The following PTPN21 variants were observed in gnomAD, a reference collection of about 807,000 sequenced individuals.
PTPN21 encodes the protein protein tyrosine phosphatase non-receptor type 21.
PTPN21 carries 77 observed loss-of-function variants against 131.8 expected under a neutral mutation model. The observed-to-expected ratio is 0.58, with a 90% CI of 0.49 to 0.71. The LOEUF (loss-of-function observed/expected upper bound fraction) is 0.71. Ranked by LOEUF, PTPN21 falls within the 30% of genes least tolerant of loss-of-function variation. PTPN21 has a pLI of 0.00. For synonymous variants in PTPN21, 715 were observed against 621.3 expected (o/e 1.15, Z -2.24); for missense variants, 1,552 against 1,527.1 (o/e 1.02, Z -0.27).
chr14:88,542,458 G>C (rs2078719986), intron 2 of PTPN21, among the ~76,000 whole-genome samples: 1 of 152,072 alleles, frequency 6.6e-6, no homozygotes, highest in African/African-American at 2.4e-5. Context: ...ACACTACTGT[G>C]ACAGACTGAT....
At chr14:88,470,511 T>C (rs2077445151) in intron 15 of PTPN21, among the ~76,000 whole-genome samples, 1 of 152,186 alleles carries the variant, frequency 6.6e-6, no homozygotes, top group Non-Finnish European at 1.5e-5. Flanking sequence ...TCCACAATAA[T>C]ATTAAGTTTC....
chr14:88,551,438 C>T (rs964723907), intron 1 of PTPN21: 1 of 152,260 alleles, frequency 6.6e-6, no homozygotes, highest in Non-Finnish European at 1.5e-5. Flanking sequence ...GCCCCGGCTT[C>T]TCCCGCGTCC....
chr14:88,473,525 G>T, intron 14 of PTPN21, 140 bp downstream of exon 14: 2 of 959,984 alleles, frequency 2.1e-6, no homozygotes, highest in Non-Finnish European at 3.1e-6. Context: ...CCAATTTTGA[G>T]GCCCATATTA....
intron 3 of PTPN21, among the ~76,000 whole-genome samples, chr14:88,508,842 T>A (rs552872843): frequency 6.6e-6 from 1 of 152,362 alleles, no homozygotes; most frequent in South Asian, 2.1e-4. Flanking sequence ...TTTCTTAATA[T>A]CTGGTAATGT....
chr14:88,531,708 G>A (rs1332709275), intron 2 of PTPN21, among the ~76,000 whole-genome samples: 2 of 151,842 alleles, frequency 1.3e-5, no homozygotes, highest in Non-Finnish European at 2.9e-5. Flanking sequence ...CACAACTCAA[G>A]GAACTAGAGA....
Position 88,517,216 on chromosome 14 carries a change from G to A in PTPN21, c.226C>T (p.Arg76Trp), listed in dbSNP as rs2078285714. The stretch of plus-strand genomic sequence containing the variant: ...AAAGGTTTTTCCAAATCTACCCACC[G>A]GCGCTGATTTTGCTTGTTGTAGTAC... ...LWYYNKQNQRRWVDLEKPLKK... is the reference protein window; with the variant it reads ...LWYYNKQNQRWWVDLEKPLKK... Residue 76 changes from arginine (R) to tryptophan (W), a missense_variant, in exon 3 of 19, where the codon CGG becomes TGG. Transcript: ENST00000556564. 7 of 1,614,010 alleles carry A rather than the reference G, an allele frequency of 4.3e-6. No homozygotes were observed. The highest frequency in any genetic ancestry group is 4.5e-5 in the East Asian group (2 of 44,868).
chr14:88,512,361 C>T (rs1012034776), intron 3 of PTPN21: 5 of 152,138 alleles, frequency 3.3e-5, no homozygotes, highest in African/African-American at 1.2e-4. Flanking sequence ...TGCATTTTTA[C>T]AATTTTCTTA....
intron 2 of PTPN21, among the ~76,000 whole-genome samples, chr14:88,534,397 A>AT (rs2078599524): frequency 6.6e-6 from 1 of 151,930 alleles, no homozygotes; most frequent in Admixed American, 6.6e-5. Context: ...AAAAAAAAAA[A>AT]GTTTAAAAAG....
chr14:88,473,998 C>G (rs537566583), intron 13 of PTPN21, 196 bp from the exon 14 acceptor site: 113 of 502,392 alleles, frequency 2.2e-4, no homozygotes, highest in African/African-American at 2.0e-3. Context: ...AAGGCCAAAG[C>G]CCTGATAAAG....
chr14:88,479,297 C>T lies in PTPN21; in HGVS notation c.2134G>A (p.Glu712Lys), dbSNP rs775190992. The T allele has an allele frequency of 3.7e-6, 6 of 1,613,416 alleles. No homozygotes were observed. Among genetic ancestry groups the T allele is most frequent in the South Asian group, 3.3e-5 (3 of 91,082 alleles). The change falls in exon 13 of 19, where the codon GAG (glutamate) becomes AAG (lysine). Residue 712 changes from glutamate to lysine, a missense_variant. Physicochemically the swap from Glu to Lys is moderately conservative, Grantham distance 56. Around this residue, in one of 4 missense-constraint regions of PTPN21, gnomAD observed 1,016 missense variants for 883.5 expected, o/e 1.15. Coordinates refer to ENST00000556564, the MANE Select transcript of PTPN21 (RefSeq NM_007039.4). ...SDATMLIHSS[E>K]EEEDEDFEEE... ...TCGAAGTCCTCGTCCTCCTCCTCCT[C>T]GCTGCTGTGGATTAGCATGGTGGCG...
chr14:88,486,088 G>A (rs898341378), intron 10 of PTPN21, among the ~76,000 whole-genome samples: 34 of 152,108 alleles, frequency 2.2e-4, no homozygotes, highest in African/African-American at 4.6e-4. Context: ...ATCATCGCCT[G>A]GACCCACAAG....
chr14:88,508,062 T>A, intron 3 of PTPN21, 42 bp from the exon 4 acceptor site: 1 of 1,129,106 alleles, frequency 8.9e-7, no homozygotes. Flanking sequence ...GTCAATATTA[T>A]CTCATTGAGA....
chr14:88,500,948 T>C (rs547939818), intron 7 of PTPN21, 77 bp from the exon 8 acceptor site: 26 of 1,046,470 alleles, frequency 2.5e-5, no homozygotes, highest in Admixed American at 2.0e-4. Context: ...CCTGGACTGG[T>C]TTCCCAGATG....
At chr14:88,476,035 T>G (rs553101995) in intron 13 of PTPN21, among the ~76,000 whole-genome samples, 51 of 152,320 alleles carry the variant, frequency 3.3e-4, no homozygotes, top group African/African-American at 1.2e-3. Context: ...AAGAAAATCT[T>G]TATGTAGATA....
chr14:88,505,240 G>A (rs1005243348), intron 5 of PTPN21, 64 bp downstream of exon 5: 3 of 1,265,768 alleles, frequency 2.4e-6, no homozygotes, highest in East Asian at 4.7e-5. Flanking sequence ...TCATTTCAGG[G>A]ATTATTAAGG....
chr14:88,477,669 G>C (rs558776800), intron 13 of PTPN21, among the ~76,000 whole-genome samples: 68 of 152,058 alleles, frequency 4.5e-4, no homozygotes, highest in Non-Finnish European at 5.4e-4. Context: ...AGCAGCGATG[G>C]GGGGAGGAGA....
intron 2 of PTPN21, among the ~76,000 whole-genome samples, chr14:88,518,410 ATATATTTTTTTTTTTT>A (rs2078331856): frequency 5.9e-5 from 1 of 16,992 alleles, no homozygotes; most frequent in African/African-American, 1.5e-4. Flanking sequence ...ATATATATAT[ATATATTTTTTTTTTTT>A]TTTTTTTTTT....
intron 13 of PTPN21, among the ~76,000 whole-genome samples, chr14:88,474,653 C>T (rs756195931): frequency 2.6e-5 from 4 of 151,996 alleles, no homozygotes; most frequent in Admixed American, 6.6e-5. Context: ...AGAACGGCTA[C>T]GTTTTTAAAC....
chr14:88,519,215 C>A (rs1269567069), intron 2 of PTPN21, among the ~76,000 whole-genome samples: 1 of 152,198 alleles, frequency 6.6e-6, no homozygotes, highest in Non-Finnish European at 1.5e-5. Context: ...CAGCCTCAAG[C>A]CACTGCTAAT....
Sources: allele counts gnomAD v4.1 joint callset (sites outside exome capture counted in the v4.1 genomes callset), GRCh38; gene constraint gnomAD v4.1.1; regional missense constraint gnomAD v4.1.1; transcripts MANE v1.5; gene names NCBI Gene and HGNC (gene_info 2026-07-23, HGNC 2026-07-21).